The following DNM1L variants were observed in gnomAD, a reference collection of about 807,000 sequenced individuals.
The protein encoded by DNM1L is dynamin-1-like protein.
DNM1L carries 33 observed loss-of-function variants against 92.8 expected under a neutral mutation model. The ratio of observed to expected loss-of-function variants is 0.36; its 90% confidence interval spans 0.27 to 0.48. The LOEUF is 0.48. Among genes scored for constraint, DNM1L ranks in the 20% least tolerant of loss-of-function variants. The probability of loss-of-function intolerance (pLI) is 0.99; values close to 1 mark genes in which losing one functional copy is unlikely to be tolerated. For synonymous variants in DNM1L, 284 were observed against 305.0 expected (o/e 0.93, Z 0.72); for missense variants, 485 against 888.8 (o/e 0.55, Z 5.78).
At chr12:32,693,315 A>G (rs188369856) in intron 1 of DNM1L, among the ~76,000 whole-genome samples, 310 of 152,220 alleles carry the variant, frequency 2.0e-3, no homozygotes, top group Non-Finnish European at 3.2e-3. Context: ...ATCTCTGCAC[A>G]TTATTTTGTT....
chr12:32,709,516 T>C (rs1953045802), intron 4 of DNM1L: 1 of 152,204 alleles, frequency 6.6e-6, no homozygotes, highest in Non-Finnish European at 1.5e-5. Context: ...GGATATAATT[T>C]ACTTACCTAG....
rs1232565163 is a variant in DNM1L, at chr12:32,737,716, A to C, written c.1597-149A>C. 5.9e-6 allele frequency: 4 copies of C among 681,596 alleles called. No homozygotes were observed. In the East Asian group the frequency reaches 1.1e-4, roughly 19 times the overall value. The allele number at this position is 681,596 out of a possible 1,614,324, so 42.2% of individuals were successfully genotyped here. On this transcript the variant is annotated intron_variant, in intron 14 of 19. Transcript: ENST00000549701. ...AAAGGTGACAATGGTGAAGGAAATA[A>C]GGCAGAATAAACAATCTCCCATGAT...
At position 32,745,301 on chromosome 12, in the gene DNM1L, A is replaced by AAAACTTAC. The variant is rs1955581622; in HGVS notation, c.*1892_*1899dup. On this transcript the variant is annotated 3_prime_UTR_variant, in exon 20 of 20. Coordinates refer to ENST00000549701, the MANE Select transcript of DNM1L (RefSeq NM_012062.5). ...TGTAAGGGGAAAAAAAACAAAAACA[A>AAAACTTAC]AAACTTACGATGCACTTTTCTCCAG... The AAAACTTAC allele has an allele frequency of 4.4e-6, 1 of 227,328 alleles. No individual in the cohort carries two copies. The highest frequency in any genetic ancestry group is 8.6e-6 in the Non-Finnish European group (1 of 116,316). The allele number at this position is 227,328 out of a possible 1,614,324, so 14.1% of individuals were successfully genotyped here. A position where few individuals can be genotyped will look rare whatever the true frequency, so the allele number is the denominator to read the frequency against.
intron 1 of DNM1L, among the ~76,000 whole-genome samples, chr12:32,690,948 A>G (rs1462088061): frequency 1.3e-5 from 2 of 152,112 alleles, no homozygotes; most frequent in African/African-American, 4.8e-5. Context: ...GTCTGGATTG[A>G]TTTTATTCAT....
In DNM1L at chr12:32,717,602, TAC is replaced by T. The variant is rs1476198835; in HGVS notation, c.620-1039_620-1038del. Among the ~76,000 whole-genome samples the T allele has an allele frequency of 2.5e-3, 276 of 111,780 alleles. 49 individuals are homozygous for T. The highest frequency in any genetic ancestry group is 7.2e-3 in the African/African-American group (206 of 28,780). The allele number at this position is 111,780 out of a possible 152,430, so 73.3% of individuals were successfully genotyped here. On this transcript the variant is annotated intron_variant, in intron 6 of 19. Coordinates refer to ENST00000549701, the MANE Select transcript of DNM1L (RefSeq NM_012062.5). ...CCTAGGTAGATATATATATAAAAAA[TAC>T]ATATACCTAGGTAGATATATATATA...
intron 9 of DNM1L, chr12:32,727,399 G>A: frequency 1.3e-6 from 1 of 765,392 alleles, no homozygotes; most frequent in Non-Finnish European, 2.4e-6. Flanking sequence ...AATATCAGTG[G>A]CTACTATGAG....
chr12:32,719,873 C>T (rs144778386), intron 7 of DNM1L, among the ~76,000 whole-genome samples: 258 of 152,186 alleles, frequency 1.7e-3, no homozygotes, highest in African/African-American at 5.9e-3. Context: ...CCAAAAGTCA[C>T]GTGGGTAGTG....
At chr12:32,696,383 AACACACACACACACACACAC>A (rs58224525) in intron 1 of DNM1L, among the ~76,000 whole-genome samples, 3 of 145,014 alleles carry the variant, frequency 2.1e-5, no homozygotes, top group East Asian at 2.1e-4. Flanking sequence ...CACACACACA[AACACACACACACACACACAC>A]ACACACACAC....
intron 9 of DNM1L, among the ~76,000 whole-genome samples, chr12:32,725,014 G>T (rs979865959): frequency 2.6e-5 from 4 of 151,852 alleles, no homozygotes; most frequent in Non-Finnish European, 5.9e-5. Context: ...ATTCTCTCTA[G>T]CTCTACCCCA....
rs529451824 is a variant in DNM1L, at chr12:32,744,136, C to T, written c.*726C>T. On this transcript the variant is annotated 3_prime_UTR_variant, in exon 20 of 20. Transcript: ENST00000549701. ...TAATTCCTACATTAAAAACAGCCATCTACCCTTGATTATCTAGAAAGACTT... is the reference window on the plus strand; with the variant it reads ...TAATTCCTACATTAAAAACAGCCATTTACCCTTGATTATCTAGAAAGACTT... 1 of 152,380 alleles carries T rather than the reference C, an allele frequency of 6.6e-6. No homozygotes were observed. The highest frequency in any genetic ancestry group is 2.1e-4 in the South Asian group (1 of 4,830). 9.4% of individuals were successfully genotyped at this position (152,380 alleles called of 1,614,324 possible).
chr12:32,718,190 G>C (rs944745518), intron 6 of DNM1L, among the ~76,000 whole-genome samples: 1 of 146,428 alleles, frequency 6.8e-6, no homozygotes, highest in African/African-American at 2.5e-5. Context: ...CACCCAGGCC[G>C]AAGTGCAATG....
chr12:32,689,347 G>A (rs1271145180), intron 1 of DNM1L, among the ~76,000 whole-genome samples: 4 of 152,050 alleles, frequency 2.6e-5, no homozygotes, highest in African/African-American at 7.2e-5. Context: ...ACAGGCATGC[G>A]CCACCACGCC....
intron 6 of DNM1L, among the ~76,000 whole-genome samples, chr12:32,717,471 GTATATATATTATATATATATA>G (rs1953510866): frequency 1.0e-5 from 1 of 97,830 alleles, no homozygotes; most frequent in African/African-American, 4.5e-5. Flanking sequence ...TAAATATATA[GTATATATATTATATATATATA>G]GTATATATAT....
intron 7 of DNM1L, among the ~76,000 whole-genome samples, chr12:32,719,561 A>G (rs887354647): frequency 6.6e-6 from 1 of 152,106 alleles, no homozygotes; most frequent in Non-Finnish European, 1.5e-5. Flanking sequence ...GGGAAAAGGA[A>G]ACTAGTATTG....
chr12:32,698,446 T>C (rs4539413), intron 1 of DNM1L, among the ~76,000 whole-genome samples: 23,402 of 152,176 alleles, frequency 0.15, 1,901 homozygotes, highest in Middle Eastern at 0.21. Flanking sequence ...ATGAGAGCTG[T>C]TCTCTTGTTA....
At chr12:32,733,431 A>G in intron 12 of DNM1L, 1 of 361,844 alleles carries the variant, frequency 2.8e-6, no homozygotes, top group South Asian at 3.4e-5. Flanking sequence ...CATTAGGTAG[A>G]TGACTATTTT....
chr12:32,718,742 G>A lies in DNM1L; in HGVS notation c.719G>A (p.Gly240Glu). 6.2e-7 allele frequency: 1 copy of A among 1,613,840 alleles called. No homozygotes were observed. The highest frequency in any genetic ancestry group is 8.5e-7 in the Non-Finnish European group (1 of 1,179,868). ...LMGRVIPVKL[G>E]IIGVVNRSQL... Reference sequence around the variant, plus strand: ...GGAAGGGTTATTCCAGTCAAACTTGGAATAATTGGAGTAGTTAACAGGTTA... The same window carrying A: ...GGAAGGGTTATTCCAGTCAAACTTGAAATAATTGGAGTAGTTAACAGGTTA... Residue 240 changes from glycine (G) to glutamate (E), a missense_variant, in exon 7 of 20, where the codon GGA becomes GAA. By Grantham distance (98) the Gly-to-Glu change is moderately conservative. Around this residue, in one of 11 missense-constraint regions of DNM1L, gnomAD observed 159 missense variants for 275.9 expected, o/e 0.58. Transcript: ENST00000549701.
intron 6 of DNM1L, among the ~76,000 whole-genome samples, chr12:32,718,008 A>G (rs371224550): frequency 0.13 from 14,346 of 112,920 alleles, 1,191 homozygotes; most frequent in African/African-American, 0.16. Flanking sequence ...TATATAATAT[A>G]TATAGTATAT....
chr12:32,738,893 C>CAAAT (rs1003663168), intron 16 of DNM1L, among the ~76,000 whole-genome samples: 34 of 152,212 alleles, frequency 2.2e-4, no homozygotes, highest in African/African-American at 6.5e-4. Context: ...TTCTGAACTT[C>CAAAT]AAATAAAGGT....
Sources: gnomAD v4.1 joint callset for allele counts (sites outside exome capture counted in the v4.1 genomes callset) on GRCh38, gnomAD v4.1.1 for gene constraint, gnomAD v4.1.1 regional missense constraint, MANE v1.5 for transcripts, NCBI Gene and HGNC (gene_info 2026-07-23, HGNC 2026-07-21) for gene names.